The following CDH13 variants were observed in gnomAD, a reference collection of about 807,000 sequenced individuals.
The protein encoded by CDH13 is cadherin 13.
Under a neutral mutation model 63.8 loss-of-function variants are expected in CDH13, and 24 were observed. The ratio of observed to expected loss-of-function variants is 0.38; its 90% CI spans 0.27 to 0.53. The LOEUF is 0.53. Ranked by LOEUF, CDH13 falls within the 20% of genes least tolerant of loss-of-function variation. The probability of loss-of-function intolerance (pLI) is 0.85; values close to 1 mark genes in which losing one functional copy is unlikely to be tolerated. For missense variants in CDH13, 1,049 were observed against 903.1 expected (o/e 1.16, Z -2.07); for synonymous variants, 503 against 355.3 (o/e 1.42, Z -4.67).
intron 4 of CDH13, among the ~76,000 whole-genome samples, chr16:83,138,591 T>C (rs2036398876): frequency 6.6e-6 from 1 of 152,134 alleles, no homozygotes; most frequent in Non-Finnish European, 1.5e-5. Context: ...TTGTCACAAA[T>C]AAACTTGGAG....
chr16:83,718,848 T>G (rs141180049), intron 10 of CDH13, among the ~76,000 whole-genome samples: 1 of 152,290 alleles, frequency 6.6e-6, no homozygotes, highest in Non-Finnish European at 1.5e-5. Flanking sequence ...TGTATTCTTC[T>G]TGTCTCATGG....
chr16:83,090,444 C>A (rs990781803), intron 3 of CDH13, among the ~76,000 whole-genome samples: 1 of 151,950 alleles, frequency 6.6e-6, no homozygotes, highest in African/African-American at 2.4e-5. Context: ...CATGGTGGTG[C>A]ACCCCTGTAA....
chr16:83,772,147 C>A (rs2150999365), intron 11 of CDH13, among the ~76,000 whole-genome samples: 1 of 152,008 alleles, frequency 6.6e-6, no homozygotes, highest in East Asian at 1.9e-4. Flanking sequence ...CAAATAGACT[C>A]AATATTAAGA....
At position 83,043,519 on chromosome 16, in the gene CDH13, GTGTGTGTGTA is replaced by G. The variant is rs1420862240; in HGVS notation, c.366+11305_366+11314del. On this transcript the variant is annotated intron_variant, in intron 3 of 13. Coordinates refer to ENST00000567109, the MANE Select transcript of CDH13 (RefSeq NM_001257.5). ...TGTGTGTGTGTGTGTGTGTGTGTGT[GTGTGTGTGTA>G]TGTATAACAGATATATCTAACATAT... 2.7e-5 allele frequency among the ~76,000 whole-genome samples: 4 copies of G among 148,564 alleles called. No individual in the cohort carries two copies. The East Asian group carries it at 8.1e-4, about 30-fold the overall frequency.
Position 83,486,518 on chromosome 16 carries a change from C to G in CDH13, c.823C>G (p.Pro275Ala). 2 of 1,613,810 alleles carry G rather than the reference C, an allele frequency of 1.2e-6. No homozygotes were observed. The highest frequency in any genetic ancestry group is 1.7e-6 in the Non-Finnish European group (2 of 1,179,806). ...MRMTAFDADD[P>A]ATDNALLRYN... ...GATGACAGCCTTTGATGCAGATGAC[C>G]CAGCCACCGATAATGCCCTCCTGCG... is the stretch of plus-strand genomic sequence containing the variant. The change falls in exon 7 of 14, where the codon CCA becomes GCA. Residue 275 changes from proline to alanine, a missense_variant. Transcript: ENST00000567109.
intron 2 of CDH13, among the ~76,000 whole-genome samples, chr16:82,986,141 C>T (rs1280387256): frequency 2.6e-5 from 4 of 152,194 alleles, no homozygotes; most frequent in Non-Finnish European, 5.9e-5. Context: ...TGTGGGACAA[C>T]ATAAGACAAT....
chr16:82,812,540 G>C (rs1197597568), intron 1 of CDH13, among the ~76,000 whole-genome samples: 1 of 152,102 alleles, frequency 6.6e-6, no homozygotes, highest in African/African-American at 2.4e-5. Context: ...AGTGAGAAGA[G>C]AGGAGAGGAG....
rs139882076 is a variant in CDH13, at chr16:83,450,885, T to A, written c.782-35592T>A. The stretch of plus-strand genomic sequence containing the variant: ...ACTCTGTCTCACAGAGAAAAAAAAA[T>A]TGATAAAGAGAGTTCATGATGTAAA... On this transcript the variant is annotated intron_variant, in intron 6 of 13. Coordinates refer to ENST00000567109, the MANE Select transcript of CDH13 (RefSeq NM_001257.5). 2.4e-3 allele frequency among the ~76,000 whole-genome samples: 359 copies of A among 151,656 alleles called. 1 individual carries two copies. Among genetic ancestry groups the A allele is most frequent in the East Asian group, 4.9e-3 (25 of 5,136 alleles).
chr16:82,661,459 T>A (rs1177443873), intron 1 of CDH13, among the ~76,000 whole-genome samples: 1 of 152,210 alleles, frequency 6.6e-6, no homozygotes. Flanking sequence ...AGTAAAGAGG[T>A]TGCTGCCGGC....
chr16:82,846,949 G>T (rs1427737254), intron 1 of CDH13, among the ~76,000 whole-genome samples: 1 of 152,140 alleles, frequency 6.6e-6, no homozygotes, highest in Non-Finnish European at 1.5e-5. Context: ...TTTATGCCAA[G>T]GAGAGGAGCA....
At chr16:82,920,076 G>A (rs1477592839) in intron 2 of CDH13, among the ~76,000 whole-genome samples, 1 of 152,200 alleles carries the variant, frequency 6.6e-6, no homozygotes, top group Non-Finnish European at 1.5e-5. Flanking sequence ...AAATCAAAGT[G>A]GCTGAAGCAA....
intron 1 of CDH13, among the ~76,000 whole-genome samples, chr16:82,778,308 T>C (rs887269807): frequency 2.0e-5 from 3 of 152,164 alleles, no homozygotes; most frequent in African/African-American, 7.2e-5. Flanking sequence ...AGTCAAATTG[T>C]GCTGGTGTAG....
chr16:82,691,139 C>G (rs544438598), intron 1 of CDH13, among the ~76,000 whole-genome samples: 2 of 152,280 alleles, frequency 1.3e-5, no homozygotes, highest in South Asian at 4.1e-4. Flanking sequence ...AACAATCAGC[C>G]AAATGAACAA....
At chr16:83,486,275 T>G (rs995269957) in intron 6 of CDH13, among the ~76,000 whole-genome samples, 1 of 152,218 alleles carries the variant, frequency 6.6e-6, no homozygotes, top group Non-Finnish European at 1.5e-5. Flanking sequence ...CTTCTTTATT[T>G]CAGGTCTTTT....
At chr16:83,412,480 T>G (rs2092142276) in intron 6 of CDH13, among the ~76,000 whole-genome samples, 1 of 151,988 alleles carries the variant, frequency 6.6e-6, no homozygotes, top group Admixed American at 6.6e-5. Context: ...AAAATAAAAA[T>G]GAATAAATAA....
chr16:83,520,218 A>G (rs1038551991), intron 7 of CDH13, among the ~76,000 whole-genome samples: 25 of 152,204 alleles, frequency 1.6e-4, no homozygotes, highest in African/African-American at 5.5e-4. Flanking sequence ...AAGAATGAAT[A>G]TGGTTGACAC....
chr16:83,477,966 G>T (rs985684062), intron 6 of CDH13, among the ~76,000 whole-genome samples: 3 of 152,034 alleles, frequency 2.0e-5, no homozygotes, highest in Non-Finnish European at 2.9e-5. Flanking sequence ...TGGATCACGA[G>T]GTCAGGAGAT....
In CDH13 at chr16:83,338,184, TAAA is replaced by T. The variant is rs5818440; in HGVS notation, c.637-6661_637-6659del. ...AAATCAATGTTAGTCCTCTTCTTTTTAAAAAAAAAAAAAAAAAAACAAGTAATC... is the reference window on the plus strand; with the variant it reads ...AAATCAATGTTAGTCCTCTTCTTTTTAAAAAAAAAAAAAAAACAAGTAATC... On this transcript the variant is annotated intron_variant, in intron 5 of 13. Transcript: ENST00000567109. 1.1e-4 allele frequency among the ~76,000 whole-genome samples: 15 copies of T among 135,088 alleles called. No homozygotes were observed. In the East Asian group the frequency reaches 1.7e-3, roughly 16 times the overall value. 88.6% of individuals were successfully genotyped at this position (135,088 alleles called of 152,430 possible). A position where few individuals can be genotyped will look rare whatever the true frequency, so the allele number is the denominator to read the frequency against.
intron 13 of CDH13, among the ~76,000 whole-genome samples, chr16:83,794,330 A>G (rs1051616838): frequency 6.6e-6 from 1 of 152,202 alleles, no homozygotes; most frequent in Non-Finnish European, 1.5e-5. Context: ...AGATGGGAGG[A>G]TCGCTTGAGG....
Sources: allele counts gnomAD v4.1 joint callset (sites outside exome capture counted in the v4.1 genomes callset), GRCh38; gene constraint gnomAD v4.1.1; transcripts MANE v1.5; gene names NCBI Gene and HGNC (gene_info 2026-07-23, HGNC 2026-07-21).